Variants in TMEM131L observed in about 807,000 individuals in gnomAD.
TMEM131L encodes transmembrane 131 like.
A neutral mutation model predicts 192.2 loss-of-function variants in TMEM131L; 54 were observed. The ratio of observed to expected loss-of-function variants is 0.28; its 90% CI spans 0.23 to 0.35. The LOEUF is 0.35. TMEM131L is among the 10% of genes least tolerant of loss of function. The probability of loss-of-function intolerance (pLI) is 1.00; values close to 1 mark genes in which losing one functional copy is unlikely to be tolerated. For synonymous variants in TMEM131L, 701 were observed against 704.9 expected (o/e 0.99, Z 0.09); for missense variants, 1,888 against 1,972.9 (o/e 0.96, Z 0.82).
chr4:153,507,385 C>T (rs1319697908), intron 3 of TMEM131L, among the ~76,000 whole-genome samples: 2 of 152,172 alleles, frequency 1.3e-5, no homozygotes, highest in African/African-American at 4.8e-5. Flanking sequence ...CTGCGTGGCA[C>T]ATCTCCACGT....
Position 153,555,854 on chromosome 4 carries a change from G to A in TMEM131L, c.376G>A (p.Val126Met). ...YNPSRDSEVV[V>M]NSVFAAAGHF... ...CCCTAGTAGGGACAGCGAGGTTGTG[G>A]TGAATTCAGTGTTTGCAGCTGCTGG... Residue 126 changes from valine to methionine, a missense_variant, in exon 5 of 35, where the codon GTG (valine) becomes ATG (methionine). Val to Met is a conservative substitution (Grantham distance 21). Transcript: ENST00000409959. This position sits in a 1 kb window ranked among gnomAD's most constrained non-coding sequence, Gnocchi z 4.1. The A allele has an allele frequency of 6.4e-7, 1 of 1,551,722 alleles. No individual in the cohort carries two copies. The highest frequency in any genetic ancestry group is 2.4e-5 in the East Asian group (1 of 40,922).
intron 11 of TMEM131L, among the ~76,000 whole-genome samples, chr4:153,584,302 G>A (rs931601117): frequency 6.6e-6 from 1 of 152,078 alleles, no homozygotes; most frequent in African/African-American, 2.4e-5. Flanking sequence ...TGGGAGTCAG[G>A]GTGAAGAAAG....
intron 3 of TMEM131L, among the ~76,000 whole-genome samples, chr4:153,478,613 G>A (rs1561114169): frequency 6.6e-6 from 1 of 151,982 alleles, no homozygotes; most frequent in Non-Finnish European, 1.5e-5. Flanking sequence ...CTTTTTGGAG[G>A]CAAGTCATTA....
At chr4:153,544,800 A>G (rs776568785) in intron 3 of TMEM131L, among the ~76,000 whole-genome samples, 2 of 152,136 alleles carry the variant, frequency 1.3e-5, no homozygotes, top group Non-Finnish European at 2.9e-5. Context: ...GATCGTGGGC[A>G]TATGAGGCAG....
At chr4:153,532,578 C>G (rs960623066) in intron 3 of TMEM131L, among the ~76,000 whole-genome samples, 2 of 151,942 alleles carry the variant, frequency 1.3e-5, no homozygotes, top group Non-Finnish European at 2.9e-5. Flanking sequence ...TTTTAGAACA[C>G]TTTTATCCCT....
chr4:153,534,529 G>T (rs999682848), intron 3 of TMEM131L, among the ~76,000 whole-genome samples: 5 of 152,166 alleles, frequency 3.3e-5, no homozygotes, highest in African/African-American at 1.2e-4. Context: ...TGCCTCCCGG[G>T]TTCAAGCGAT....
intron 3 of TMEM131L, among the ~76,000 whole-genome samples, chr4:153,515,852 T>G (rs1170142701): frequency 6.6e-6 from 1 of 152,190 alleles, no homozygotes. Context: ...CTCTTTTCTA[T>G]GTGCTCATTG....
At chr4:153,500,673 C>T (rs536757236) in intron 3 of TMEM131L, among the ~76,000 whole-genome samples, 2 of 152,314 alleles carry the variant, frequency 1.3e-5, no homozygotes, top group South Asian at 4.1e-4. Flanking sequence ...ACTTCTCTTT[C>T]TCAATATACA....
chr4:153,563,456 C>CTTTTTTTTTTT lies in TMEM131L; in HGVS notation c.660+5107_660+5117dup, dbSNP rs1177255196. ...AGCAGTGAGAAAACGGATATGTACC[C>CTTTTTTTTTTT]TTTTTTTTTTTTTTTTTTTTTTTTT... On this transcript the variant is annotated intron_variant, in intron 7 of 34. Coordinates refer to ENST00000409959, the MANE Select transcript of TMEM131L (RefSeq NM_001131007.2). Among the ~76,000 whole-genome samples the CTTTTTTTTTTT allele has an allele frequency of 5.7e-5, 5 of 88,210 alleles. 1 individual carries two copies. Among genetic ancestry groups the CTTTTTTTTTTT allele is most frequent in the African/African-American group, 1.4e-4 (3 of 21,530 alleles). 57.9% of individuals were successfully genotyped at this position (88,210 alleles called of 152,430 possible).
chr4:153,504,074 C>T (rs1328714437), intron 3 of TMEM131L, among the ~76,000 whole-genome samples: 1 of 145,480 alleles, frequency 6.9e-6, no homozygotes, highest in African/African-American at 2.6e-5. Context: ...TCACGCCATT[C>T]TCCTGCCTCA....
In TMEM131L at chr4:153,466,569, G is replaced by T. The variant is rs1373010671; in HGVS notation, c.124+48G>T. ...CGCTCTGCCTCTCCACCCCGCCCCC[G>T]CTCTTTCTTTTAGGGAACTGCTGAA... On this transcript the variant is annotated intron_variant, in intron 1 of 34. Coordinates refer to ENST00000409959, the MANE Select transcript of TMEM131L (RefSeq NM_001131007.2). The T allele has an allele frequency of 3.1e-6, 4 of 1,271,314 alleles. No individual in the cohort carries two copies. In the African/African-American group the frequency reaches 6.2e-5, roughly 20 times the overall value. The allele number at this position is 1,271,314 out of a possible 1,614,324, so 78.8% of individuals were successfully genotyped here.
At chr4:153,535,240 C>T (rs1172659069) in intron 3 of TMEM131L, among the ~76,000 whole-genome samples, 1 of 152,092 alleles carries the variant, frequency 6.6e-6, no homozygotes, top group African/African-American at 2.4e-5. Flanking sequence ...TTGGCTTGAA[C>T]AACTGAGCGG....
intron 3 of TMEM131L, among the ~76,000 whole-genome samples, chr4:153,531,750 A>G (rs1298209736): frequency 6.6e-6 from 1 of 152,240 alleles, no homozygotes; most frequent in Non-Finnish European, 1.5e-5. Flanking sequence ...TCCTAAGAAG[A>G]GAGGTCAAGG....
intron 28 of TMEM131L, 117 bp from the exon 29 acceptor site, chr4:153,622,781 C>CAGAGGT: frequency 1.1e-6 from 1 of 920,548 alleles, no homozygotes; most frequent in Non-Finnish European, 1.8e-6. Context: ...GCTAGATGAG[C>CAGAGGT]AGAGGTAGCT....
At chr4:153,468,885 C>T (rs1367258072) in intron 2 of TMEM131L, among the ~76,000 whole-genome samples, 1 of 152,124 alleles carries the variant, frequency 6.6e-6, no homozygotes, top group African/African-American at 2.4e-5. Context: ...ATTATAGTTT[C>T]TATCTCTTAC....
intron 3 of TMEM131L, among the ~76,000 whole-genome samples, chr4:153,487,747 G>T (rs1479791196): frequency 6.7e-6 from 1 of 149,162 alleles, no homozygotes; most frequent in African/African-American, 2.5e-5. Flanking sequence ...AGACACCCTC[G>T]TGGGCCTGTG....
intron 3 of TMEM131L, among the ~76,000 whole-genome samples, chr4:153,481,759 A>AAC (rs1731957142): frequency 6.6e-6 from 1 of 151,990 alleles, no homozygotes; most frequent in Non-Finnish European, 1.5e-5. Flanking sequence ...TCTTGTCTCG[A>AAC]ACTCCTGGGC....
intron 5 of TMEM131L, 144 bp from the exon 6 acceptor site, chr4:153,556,822 G>A (rs1172038557): frequency 1.7e-6 from 1 of 576,450 alleles, no homozygotes; most frequent in Non-Finnish European, 3.1e-6. Flanking sequence ...ATCAGTTTGG[G>A]GATTCTTAGG....
At chr4:153,623,909 T>C (rs1482427519) in intron 29 of TMEM131L, among the ~76,000 whole-genome samples, 1 of 152,266 alleles carries the variant, frequency 6.6e-6, no homozygotes, top group East Asian at 1.9e-4. Context: ...GCTTTTTTTT[T>C]TTTAAATCAT....
Sources: allele counts gnomAD v4.1 joint callset (sites outside exome capture counted in the v4.1 genomes callset), GRCh38; gene constraint gnomAD v4.1.1; non-coding constraint Gnocchi (gnomAD v3.1); transcripts MANE v1.5; gene names NCBI Gene and HGNC (gene_info 2026-07-23, HGNC 2026-07-21).